NFIB: variants seen among roughly 807,000 people sequenced by gnomAD.
The protein encoded by NFIB is nuclear factor I B.
In NFIB, 11 loss-of-function variants were observed where a neutral mutation model predicts 61.5. That is an observed-to-expected ratio of 0.18 (90% CI 0.11 to 0.30). The LOEUF (loss-of-function observed/expected upper bound fraction) is 0.30. Among genes scored for constraint, NFIB ranks in the 10% least tolerant of loss-of-function variants. NFIB has a pLI of 1.00. For missense variants in NFIB, 471 were observed against 608.9 expected, an observed-to-expected ratio of 0.77 and a Z score of 2.38; for synonymous variants, 260 against 216.5, an observed-to-expected ratio of 1.20 and a Z score of -1.76.
At chr9:14,373,970 T>C (rs1296249500) in intron 1 of NFIB, among the ~76,000 whole-genome samples, 3 of 152,214 alleles carry the variant, frequency 2.0e-5, no homozygotes, top group African/African-American at 2.4e-5. Context: ...CAAGCAATTA[T>C]GCGATGTGAT....
At chr9:14,302,300 C>T (rs1056671785) in intron 2 of NFIB, among the ~76,000 whole-genome samples, 6 of 152,172 alleles carry the variant, frequency 3.9e-5, no homozygotes, top group African/African-American at 1.2e-4. Context: ...TTAGCATTTG[C>T]TTCCTCACTA....
intron 2 of NFIB, among the ~76,000 whole-genome samples, chr9:14,180,024 A>C (rs2046591833): frequency 6.6e-6 from 1 of 152,222 alleles, no homozygotes. Flanking sequence ...GGCTAGAGCA[A>C]GGTTTTTTTG....
the NFIB span, among the ~76,000 whole-genome samples, chr9:14,473,512 C>T: frequency 0.015 from 2,330 of 152,280 alleles, 65 homozygotes; most frequent in African/African-American, 0.053. Flanking sequence ...AGGTTTCTCA[C>T]GAATGGACAT....
intron 4 of NFIB, among the ~76,000 whole-genome samples, chr9:14,151,979 A>G (rs1196399610): frequency 6.6e-6 from 1 of 152,110 alleles, no homozygotes; most frequent in Non-Finnish European, 1.5e-5. Flanking sequence ...TTTAATGAAT[A>G]TTCTAAATGT....
the NFIB span, among the ~76,000 whole-genome samples, chr9:14,487,161 G>T: frequency 6.1e-4 from 93 of 152,222 alleles, no homozygotes; most frequent in African/African-American, 2.2e-3. Flanking sequence ...TTGAAAATTT[G>T]CCCTGGATTC....
At chr9:14,521,774 T>G in the NFIB span, among the ~76,000 whole-genome samples, 1 of 152,234 alleles carries the variant, frequency 6.6e-6, no homozygotes. Flanking sequence ...AGTCCCTAAA[T>G]GATGCCTGTT....
chr9:14,178,501 AC>A (rs1405717644), intron 3 of NFIB, among the ~76,000 whole-genome samples: 1 of 152,176 alleles, frequency 6.6e-6, no homozygotes, highest in Non-Finnish European at 1.5e-5. Flanking sequence ...AACTTAGCAT[AC>A]ATTTTTAAAC....
chr9:14,405,819 C>G, the NFIB span, among the ~76,000 whole-genome samples: 1 of 152,170 alleles, frequency 6.6e-6, no homozygotes, highest in South Asian at 2.1e-4. Flanking sequence ...GGGTTCAATA[C>G]AGTAGACAGA....
At chr9:14,184,703 T>C (rs887693326) in intron 2 of NFIB, among the ~76,000 whole-genome samples, 1 of 152,202 alleles carries the variant, frequency 6.6e-6, no homozygotes, top group Admixed American at 6.5e-5. Flanking sequence ...ATTTTTTTTG[T>C]AGGTCATTAA....
In NFIB at chr9:14,313,569, G is replaced by C; in HGVS notation, c.-58C>G. 3.1e-6 allele frequency: 5 copies of C among 1,612,448 alleles called. No individual in the cohort carries two copies. Among genetic ancestry groups the C allele is most frequent in the South Asian group, 1.1e-5 (1 of 90,870 alleles). Reference sequence around the variant, plus strand: ...GCCCAAGAAAATCTTCGAGAAGCAAGAATTTCATCTATTCATTTTACAGTC... The same window carrying C: ...GCCCAAGAAAATCTTCGAGAAGCAACAATTTCATCTATTCATTTTACAGTC... On this transcript the variant is annotated 5_prime_UTR_variant, in exon 1 of 11. Transcript: ENST00000380953. The surrounding 1 kb of genome is among the most constrained non-coding windows in gnomAD (Gnocchi z 4.5).
At chr9:14,455,787 A>C in the NFIB span, among the ~76,000 whole-genome samples, 3 of 152,230 alleles carry the variant, frequency 2.0e-5, no homozygotes, top group African/African-American at 7.2e-5. Context: ...ACTAGACTAG[A>C]AAATTCTAAA....
intron 10 of NFIB, 148 bp from the exon 11 acceptor site, chr9:14,088,474 T>C: frequency 1.2e-6 from 1 of 804,378 alleles, no homozygotes; most frequent in South Asian, 3.7e-5. Context: ...ATGAGATAAA[T>C]GTGCCAAATT....
intron 3 of NFIB, among the ~76,000 whole-genome samples, chr9:14,171,975 A>G (rs565238422): frequency 5.3e-5 from 8 of 152,334 alleles, no homozygotes; most frequent in African/African-American, 1.9e-4. Flanking sequence ...CAATTTTTAA[A>G]CATAGGAAGG....
rs116312957 is a variant in NFIB at position 14,258,758 on chromosome 9, T to C, written c.562+48231A>G. Among the ~76,000 whole-genome samples, 1,073 of 152,312 alleles carry C rather than the reference T, an allele frequency of 7.0e-3. 17 individuals carry two copies. The highest frequency in any genetic ancestry group is 0.024 in the African/African-American group (982 of 41,560). ...ATCCTCTCTTCATAAATCAAGTTAG[T>C]AAGGATGTCATTCCTTTTTAAAGCA... On this transcript the variant is annotated intron_variant, in intron 2 of 10. Transcript: ENST00000380953.
At chr9:14,124,155 G>A (rs1405885750) in intron 7 of NFIB, among the ~76,000 whole-genome samples, 1 of 152,108 alleles carries the variant, frequency 6.6e-6, no homozygotes, top group Non-Finnish European at 1.5e-5. Context: ...GGACCAAGGT[G>A]GAGGGCTCAT....
At chr9:14,099,098 C>T (rs981050111) in intron 10 of NFIB, among the ~76,000 whole-genome samples, 1 of 152,082 alleles carries the variant, frequency 6.6e-6, no homozygotes, top group African/African-American at 2.4e-5. Flanking sequence ...AGAGGGTGAC[C>T]ATGGAAAAGT....
chr9:14,265,431 C>A (rs1434190849), intron 2 of NFIB, among the ~76,000 whole-genome samples: 1 of 152,120 alleles, frequency 6.6e-6, no homozygotes, highest in Non-Finnish European at 1.5e-5. Flanking sequence ...AGAAGAGACA[C>A]CGGAGAGCTT....
the NFIB span, among the ~76,000 whole-genome samples, chr9:14,516,808 G>C: frequency 6.6e-6 from 1 of 152,108 alleles, no homozygotes; most frequent in African/African-American, 2.4e-5. Context: ...ACACTCTAAT[G>C]AATGCAAATA....
chr9:14,305,824 C>G, intron 2 of NFIB: 1 of 353,914 alleles, frequency 2.8e-6, no homozygotes, highest in Non-Finnish European at 5.2e-6. Flanking sequence ...AGGTAACAGT[C>G]TGTCACCTGG....
Sources: gnomAD v4.1 joint callset for allele counts (sites outside exome capture counted in the v4.1 genomes callset) on GRCh38, gnomAD v4.1.1 for gene constraint, Gnocchi (gnomAD v3.1) non-coding constraint, MANE v1.5 for transcripts, NCBI Gene and HGNC (gene_info 2026-07-23, HGNC 2026-07-21) for gene names.